The following NXF3 variants were observed in gnomAD, a reference collection of about 807,000 sequenced individuals.
NXF3 encodes nuclear RNA export factor 3.
A neutral mutation model predicts 48.4 loss-of-function variants in NXF3; 34 were observed. That is an observed-to-expected ratio of 0.70 (90% CI 0.53 to 0.93). The LOEUF is 0.93. NXF3 is among the 40% of genes least tolerant of loss of function. The pLI is 0.00. For missense variants in NXF3, 359 were observed against 406.1 expected (o/e 0.88, Z 1.00); for synonymous variants, 132 against 145.7 (o/e 0.91, Z 0.68).
chrX:103,088,251 T>C (rs1922200542), intron 1 of NXF3: 1 of 641,942 alleles, frequency 1.6e-6, no homozygotes, highest in Non-Finnish European at 2.4e-6. Flanking sequence ...TAGATAACTT[T>C]TGATCCTAGA....
chrX:103,091,605 T>A (rs1922276303), intron 1 of NXF3, among the ~76,000 whole-genome samples: 1 of 110,306 alleles, frequency 9.1e-6, no homozygotes, highest in Non-Finnish European at 1.9e-5. Context: ...CAATACCCCA[T>A]GGATACCAAG....
intron 1 of NXF3, chrX:103,088,858 A>G: frequency 8.5e-7 from 1 of 1,173,583 alleles, no homozygotes; most frequent in Non-Finnish European, 1.2e-6. Flanking sequence ...CCACGTAATA[A>G]TGTTAACTAT....
At position 103,079,564 on chromosome X, in the gene NXF3, C is replaced by G; in HGVS notation, c.1219+20G>C. 1 of 1,206,642 alleles carries G rather than the reference C, an allele frequency of 8.3e-7. No individual in the cohort carries two copies. Among genetic ancestry groups the G allele is most frequent in the Non-Finnish European group, 1.1e-6 (1 of 890,771 alleles). On this transcript the variant is annotated intron_variant, in intron 14 of 19. Coordinates refer to ENST00000395065, the MANE Select transcript of NXF3 (RefSeq NM_022052.2). The stretch of plus-strand genomic sequence containing the variant: ...GTCACACCCCCTTACCCTGCCCAGA[C>G]TTCTCCATCACACACTTACAGGGGT...
At chrX:103,078,146 AT>A (rs1921917507) in intron 17 of NXF3, among the ~76,000 whole-genome samples, 1 of 111,456 alleles carries the variant, frequency 9.0e-6, no homozygotes. Flanking sequence ...CATTTTAAAA[AT>A]TTTTTTCAAT....
chrX:103,081,366 T>A (rs1246831180), intron 9 of NXF3: 2 of 106,917 alleles, frequency 1.9e-5, no homozygotes, highest in African/African-American at 3.4e-5. Context: ...AAGTGAAGGG[T>A]CAAGCCCCAG....
At chrX:103,092,829 G>A (rs1922311540) in intron 1 of NXF3, among the ~76,000 whole-genome samples, 167 bp downstream of exon 1, 1 of 112,519 alleles carries the variant, frequency 8.9e-6, no homozygotes, top group Non-Finnish European at 1.9e-5. Flanking sequence ...CTCAAACCCT[G>A]GCCCTGAGAA....
intron 3 of NXF3, 51 bp from the exon 4 acceptor site, chrX:103,083,743 T>G (rs1922078336): frequency 1.0e-6 from 1 of 990,778 alleles, no homozygotes; most frequent in Non-Finnish European, 1.4e-6. Flanking sequence ...CATAATGGAA[T>G]TAAACGTTAA....
At chrX:103,081,774 G>A (rs1257343373) in intron 9 of NXF3, 2 of 119,130 alleles carry the variant, frequency 1.7e-5, no homozygotes, top group East Asian at 2.5e-4. Flanking sequence ...ATGGGGCAGG[G>A]AAGCCCCCAT....
At chrX:103,086,853 T>A (rs373904507) in intron 1 of NXF3, among the ~76,000 whole-genome samples, 4 of 111,900 alleles carry the variant, frequency 3.6e-5, no homozygotes, top group African/African-American at 1.3e-4. Flanking sequence ...AAAGAACTCA[T>A]AATGATAAAG....
chrX:103,092,329 T>A (rs1352941728), intron 1 of NXF3, among the ~76,000 whole-genome samples: 1 of 103,514 alleles, frequency 9.7e-6, no homozygotes, highest in Non-Finnish European at 2.0e-5. Flanking sequence ...ATTGAAAAAA[T>A]TTCAGAATAC....
chrX:103,080,709 G>C, intron 9 of NXF3, 97 bp from the exon 10 acceptor site: 20 of 830,506 alleles, frequency 2.4e-5, no homozygotes, highest in South Asian at 4.4e-5. Flanking sequence ...ACACAGTGCA[G>C]TGTGTCCACC....
In NXF3 at chrX:103,080,207, G is replaced by C; in HGVS notation, c.937C>G (p.Gln313Glu). 8.3e-7 allele frequency: 1 copy of C among 1,211,172 alleles called. No homozygotes were observed. The highest frequency in any genetic ancestry group is 1.1e-6 in the Non-Finnish European group (1 of 895,039). Residue 313 changes from glutamine (Q) to glutamate (E), a missense_variant, in exon 11 of 20, where the codon CAG becomes GAG. By Grantham distance (29) the Gln-to-Glu change is conservative. Coordinates refer to ENST00000395065, the MANE Select transcript of NXF3 (RefSeq NM_022052.2). The stretch of plus-strand genomic sequence containing the variant: ...CCACATAAAGTTGCTCTGGGTGACT[G>C]CTGGCCATCCTGGGGAAGGCAAGAG... ...FPKLLCLDGQQSPRATLCGTE... is the reference protein window; with the variant it reads ...FPKLLCLDGQESPRATLCGTE...
At chrX:103,089,280 A>G in intron 1 of NXF3, 1 of 475,645 alleles carries the variant, frequency 2.1e-6, no homozygotes, top group Non-Finnish European at 3.7e-6. Context: ...GGTTATGTAA[A>G]CTGTCACAAC....
At chrX:103,088,647 A>C (rs1383229961) in intron 1 of NXF3, 18 of 932,636 alleles carry the variant, frequency 1.9e-5, no homozygotes, top group Admixed American at 5.5e-5. Context: ...AAATGTGAGA[A>C]GGTATTTCCT....
intron 1 of NXF3, among the ~76,000 whole-genome samples, chrX:103,086,315 G>T (rs1569281261): frequency 9.0e-6 from 1 of 110,686 alleles, no homozygotes; most frequent in Non-Finnish European, 1.9e-5. Flanking sequence ...GGAGGCTGAG[G>T]CAGGAGAATG....
intron 1 of NXF3, among the ~76,000 whole-genome samples, chrX:103,086,159 G>T (rs775327834): frequency 1.8e-5 from 2 of 111,325 alleles, no homozygotes; most frequent in South Asian, 7.8e-4. Context: ...GGTGGCTCAC[G>T]CCTGTAATCC....
At chrX:103,089,074 T>C in intron 1 of NXF3, 1 of 1,058,579 alleles carries the variant, frequency 9.4e-7, no homozygotes, top group Non-Finnish European at 1.3e-6. Flanking sequence ...GATGTCTTCC[T>C]GTACCGACGC....
At chrX:103,083,319 C>A (rs1426290458) in intron 5 of NXF3, 46 bp from the exon 6 acceptor site, 1 of 1,177,149 alleles carries the variant, frequency 8.5e-7, no homozygotes, top group African/African-American at 1.8e-5. Flanking sequence ...GGAACTCTGA[C>A]CCCCAAGATC....
intron 1 of NXF3, chrX:103,087,917 C>A: frequency 1.1e-6 from 1 of 948,374 alleles, no homozygotes; most frequent in Non-Finnish European, 1.5e-6. Context: ...AGGAATAAGG[C>A]TTTTTGAGCT....
Sources: allele counts gnomAD v4.1 joint callset (sites outside exome capture counted in the v4.1 genomes callset), GRCh38; gene constraint gnomAD v4.1.1; transcripts MANE v1.5; gene names NCBI Gene and HGNC (gene_info 2026-07-23, HGNC 2026-07-21).